PTPRK: variants seen among roughly 807,000 people sequenced by gnomAD.
PTPRK encodes protein tyrosine phosphatase receptor type K.
Under a neutral mutation model 178.0 loss-of-function variants are expected in PTPRK, and 75 were observed. That is an observed-to-expected ratio of 0.42 (90% CI 0.35 to 0.51). PTPRK has a LOEUF of 0.51. Ranked by LOEUF, PTPRK falls within the 20% of genes least tolerant of loss-of-function variation. PTPRK has a pLI of 0.02. For missense variants in PTPRK, 1,441 were observed against 1,797.8 expected (o/e 0.80, Z 3.59); for synonymous variants, 637 against 620.6 (o/e 1.03, Z -0.39).
At chr6:128,036,678 C>G (rs1776273757) in intron 13 of PTPRK, among the ~76,000 whole-genome samples, 1 of 151,022 alleles carries the variant, frequency 6.6e-6, no homozygotes. Flanking sequence ...GTAAAGGAAC[C>G]TACCATTCAT....
intron 2 of PTPRK, among the ~76,000 whole-genome samples, chr6:128,343,352 T>C (rs1256580068): frequency 6.6e-6 from 1 of 151,768 alleles, no homozygotes; most frequent in African/African-American, 2.4e-5. Context: ...ATACAAAAAT[T>C]AGCTGGGCGT....
intron 15 of PTPRK, chr6:127,999,942 T>C: frequency 1.1e-6 from 1 of 908,116 alleles, no homozygotes; most frequent in South Asian, 5.1e-5. Context: ...AAACTTTAAA[T>C]TCTTTTTCTG....
chr6:128,380,878 G>A (rs1297996262), intron 2 of PTPRK, among the ~76,000 whole-genome samples: 1 of 152,128 alleles, frequency 6.6e-6, no homozygotes, highest in African/African-American at 2.4e-5. Context: ...ACTCAAATAT[G>A]TAGAATCCAA....
At chr6:128,009,445 A>G (rs1385009084) in intron 13 of PTPRK, among the ~76,000 whole-genome samples, 177 bp from the exon 14 acceptor site, 3 of 151,118 alleles carry the variant, frequency 2.0e-5, no homozygotes, top group African/African-American at 7.3e-5. Context: ...GGGTTGAGGT[A>G]AGGAAATCTT....
intron 2 of PTPRK, among the ~76,000 whole-genome samples, chr6:128,382,885 G>T (rs1192658123): frequency 5.9e-5 from 9 of 152,086 alleles, no homozygotes; most frequent in Admixed American, 5.9e-4. Context: ...CACTGCTACT[G>T]GTTCAGTAAA....
chr6:128,171,716 T>C (rs1490937432), intron 7 of PTPRK, among the ~76,000 whole-genome samples: 1 of 152,008 alleles, frequency 6.6e-6, no homozygotes, highest in Admixed American at 6.6e-5. Context: ...ATTTGTATAT[T>C]AAAGGGCTGT....
intron 28 of PTPRK, 152 bp from the exon 29 acceptor site, chr6:127,973,309 G>T: frequency 7.8e-7 from 1 of 1,276,394 alleles, no homozygotes; most frequent in South Asian, 1.5e-5. Context: ...AAGGCAGAGA[G>T]GAGAAAACTT....
At chr6:128,203,690 T>A (rs549739369) in intron 6 of PTPRK, among the ~76,000 whole-genome samples, 53 of 152,072 alleles carry the variant, frequency 3.5e-4, no homozygotes, top group Non-Finnish European at 6.5e-4. Flanking sequence ...ACAAAGAGAA[T>A]AAAATGCCTA....
chr6:128,082,401 T>C (rs1461556533), intron 10 of PTPRK, 36 bp downstream of exon 10: 2 of 1,536,186 alleles, frequency 1.3e-6, no homozygotes, highest in East Asian at 2.2e-5. Context: ...ACCAATGGCA[T>C]AATCAATCCT....
intron 15 of PTPRK, 71 bp from the exon 16 acceptor site, chr6:127,998,975 A>G (rs2114684417): frequency 7.6e-7 from 1 of 1,308,732 alleles, no homozygotes; most frequent in South Asian, 1.7e-5. Flanking sequence ...GTATCTATGC[A>G]ATGAAGATTT....
chr6:128,070,595 T>C (rs1488533194), intron 11 of PTPRK, among the ~76,000 whole-genome samples: 2 of 152,002 alleles, frequency 1.3e-5, no homozygotes, highest in Admixed American at 1.3e-4. Context: ...AAACATTCTT[T>C]GTGCAATGAG....
At chr6:128,006,833 A>G (rs976639258) in intron 14 of PTPRK, among the ~76,000 whole-genome samples, 15 of 151,064 alleles carry the variant, frequency 9.9e-5, no homozygotes, top group African/African-American at 3.6e-4. Flanking sequence ...TTCTTAGCCT[A>G]AAAACTTACT....
intron 3 of PTPRK, among the ~76,000 whole-genome samples, chr6:128,303,780 T>A (rs1825983564): frequency 6.6e-6 from 1 of 152,226 alleles, no homozygotes; most frequent in South Asian, 2.1e-4. Context: ...AAATGAATTT[T>A]TTTTCTTTAA....
intron 6 of PTPRK, among the ~76,000 whole-genome samples, chr6:128,188,960 C>A (rs949838289): frequency 1.1e-4 from 16 of 152,162 alleles, no homozygotes; most frequent in Non-Finnish European, 2.2e-4. Context: ...ACATCCTTAA[C>A]TTAATCACAC....
rs1478327134 is a variant in PTPRK, at chr6:128,103,844, AG to A, written c.1163-13853del. ...GACCTGTCTTCCCACAGTTTGTTACAGGGATCCTGAAAAAGCCCCCAGTGAC... is the reference window on the plus strand; with the variant it reads ...GACCTGTCTTCCCACAGTTTGTTACAGGATCCTGAAAAAGCCCCCAGTGAC... On this transcript the variant is annotated intron_variant, in intron 7 of 29. Transcript: ENST00000368226. Among the ~76,000 whole-genome samples, 11 of 152,248 alleles carry A rather than the reference AG, an allele frequency of 7.2e-5. No homozygotes were observed. The East Asian group carries it at 2.1e-3, about 29-fold the overall frequency.
At chr6:128,391,852 T>A (rs1839623745) in intron 2 of PTPRK, among the ~76,000 whole-genome samples, 1 of 152,048 alleles carries the variant, frequency 6.6e-6, no homozygotes, top group Non-Finnish European at 1.5e-5. Flanking sequence ...ACTAAGAGAC[T>A]CATATCATTA....
chr6:128,498,841 A>G (rs573208057), intron 1 of PTPRK, among the ~76,000 whole-genome samples: 1 of 152,288 alleles, frequency 6.6e-6, no homozygotes, highest in South Asian at 2.1e-4. Context: ...AGCTATTTTC[A>G]ATTACTGAAA....
intron 5 of PTPRK, among the ~76,000 whole-genome samples, chr6:128,234,127 T>C (rs186998308): frequency 6.6e-6 from 1 of 152,314 alleles, no homozygotes; most frequent in Non-Finnish European, 1.5e-5. Context: ...AGTTATAAGG[T>C]GTTCTTAAAG....
intron 1 of PTPRK, chr6:128,518,955 C>T (rs559041357): frequency 1.1e-5 from 5 of 468,964 alleles, no homozygotes; most frequent in Non-Finnish European, 2.2e-5. Flanking sequence ...AGTTTATTTC[C>T]AGGAAACAGG....
Sources: allele counts gnomAD v4.1 joint callset (sites outside exome capture counted in the v4.1 genomes callset), GRCh38; gene constraint gnomAD v4.1.1; transcripts MANE v1.5; gene names NCBI Gene and HGNC (gene_info 2026-07-23, HGNC 2026-07-21).